The following SHCBP1 variants were observed in gnomAD, a reference collection of about 807,000 sequenced individuals.
SHCBP1 encodes the protein SHC binding and spindle associated 1.
A neutral mutation model predicts 75.1 loss-of-function variants in SHCBP1; 60 were observed. That is an observed-to-expected ratio of 0.80 (90% CI 0.65 to 0.99). The LOEUF (loss-of-function observed/expected upper bound fraction) is 0.99, where lower values mean the gene tolerates loss of function less well. Among genes scored for constraint, SHCBP1 ranks in the 50% least tolerant of loss-of-function variants. The pLI, the probability that SHCBP1 is intolerant of heterozygous loss-of-function variation, is 0.00. For missense variants in SHCBP1, 709 were observed against 809.4 expected, an observed-to-expected ratio of 0.88 and a Z score of 1.50; for synonymous variants, 290 against 293.2, an observed-to-expected ratio of 0.99 and a Z score of 0.11.
Position 46,608,399 on chromosome 16 carries a change from A to T in SHCBP1, c.597-10T>A. ...GTTTTGGTAGAAAAATCTGAAATGG[A>T]ACTTAGTATCATTCAAATTCTATCA... On this transcript the variant is annotated splice_polypyrimidine_tract_variant and intron_variant, in intron 4 of 12. Transcript: ENST00000303383. The T allele has an allele frequency of 6.3e-7, 1 of 1,582,474 alleles. No individual in the cohort carries two copies.
intron 2 of SHCBP1, among the ~76,000 whole-genome samples, 178 bp from the exon 3 acceptor site, chr16:46,617,927 C>A (rs1965527395): frequency 6.6e-6 from 1 of 152,200 alleles, no homozygotes; most frequent in Non-Finnish European, 1.5e-5. Context: ...CCTATAATCC[C>A]AGCACTTTGG....
intron 2 of SHCBP1, 110 bp from the exon 3 acceptor site, chr16:46,617,859 T>A: frequency 1.2e-6 from 1 of 843,006 alleles, no homozygotes; most frequent in African/African-American, 1.7e-5. Context: ...AAATAGATAA[T>A]CTACTTGCAA....
chr16:46,594,872 C>T (rs574104638), intron 10 of SHCBP1, among the ~76,000 whole-genome samples: 1 of 152,094 alleles, frequency 6.6e-6, no homozygotes, highest in Non-Finnish European at 1.5e-5. Context: ...CAAAACAAAC[C>T]GTGGAACAAC....
intron 8 of SHCBP1, among the ~76,000 whole-genome samples, chr16:46,602,370 T>C (rs546551431): frequency 1.3e-5 from 2 of 152,286 alleles, no homozygotes; most frequent in East Asian, 3.9e-4. Flanking sequence ...AAAACTAAAC[T>C]TCCAGCTTCA....
intron 5 of SHCBP1, among the ~76,000 whole-genome samples, chr16:46,607,032 C>T (rs957071418): frequency 6.6e-6 from 1 of 151,886 alleles, no homozygotes; most frequent in East Asian, 1.9e-4. Flanking sequence ...ACTATGTTGC[C>T]CAGGCTGGTC....
rs1319644995 is a variant in SHCBP1 at position 46,579,232 on chromosome 16, C to G, written c.*2497G>C. On this transcript the variant is annotated 3_prime_UTR_variant, in exon 13 of 13. Transcript: ENST00000303383. ...ACAGAAGGCTATCCTTTCTCCACAT[C>G]AGTGTTTTCATCTCAAATATCAAAC... Among the ~76,000 whole-genome samples, 1 of 152,170 alleles carries G rather than the reference C, an allele frequency of 6.6e-6. No homozygotes were observed. The highest frequency in any genetic ancestry group is 1.9e-4 in the East Asian group (1 of 5,184).
chr16:46,607,072 G>A (rs540487024), intron 5 of SHCBP1, among the ~76,000 whole-genome samples: 11 of 152,016 alleles, frequency 7.2e-5, no homozygotes, highest in Admixed American at 3.3e-4. Flanking sequence ...AGGTCTTCCC[G>A]GGCTGGGCAC....
At chr16:46,582,842 T>A (rs1964893816) in intron 12 of SHCBP1, among the ~76,000 whole-genome samples, 1 of 152,154 alleles carries the variant, frequency 6.6e-6, no homozygotes, top group Non-Finnish European at 1.5e-5. Flanking sequence ...GGACTACCCT[T>A]TAAACTCTTT....
intron 4 of SHCBP1, among the ~76,000 whole-genome samples, chr16:46,612,465 TTTGTTGTTGTTG>T (rs559149689): frequency 1.3e-5 from 2 of 151,798 alleles, no homozygotes; most frequent in Non-Finnish European, 2.9e-5. Context: ...AGTGGAGTCT[TTTGTTGTTGTTG>T]TTGTTGTTGT....
chr16:46,607,637 A>G (rs1368633851), intron 5 of SHCBP1, among the ~76,000 whole-genome samples: 6 of 152,156 alleles, frequency 3.9e-5, no homozygotes, highest in African/African-American at 4.8e-5. Flanking sequence ...TTGGAGTGCA[A>G]TTTATAATTT....
rs1965211957 is a variant in SHCBP1 at position 46,600,245 on chromosome 16, A to G, written c.1214-283T>C. On this transcript the variant is annotated intron_variant, in intron 8 of 12. Transcript: ENST00000303383. ...TACTAAATTCACTTTCAAAAGTGCT[A>G]TAAAAAATAAATAATGTTCAAGACC... Among the ~76,000 whole-genome samples, 3 of 152,184 alleles carry G rather than the reference A, an allele frequency of 2.0e-5. No homozygotes were observed. The South Asian group carries it at 6.2e-4, about 32-fold the overall frequency.
At chr16:46,618,602 TTTG>T (rs904202650) in intron 1 of SHCBP1, among the ~76,000 whole-genome samples, 1 of 152,166 alleles carries the variant, frequency 6.6e-6, no homozygotes, top group African/African-American at 2.4e-5. Flanking sequence ...CAGTTAGATT[TTTG>T]TTGTTGTTCT....
intron 10 of SHCBP1, among the ~76,000 whole-genome samples, chr16:46,594,948 G>A (rs1035569171): frequency 1.3e-5 from 2 of 152,216 alleles, no homozygotes; most frequent in Admixed American, 6.5e-5. Flanking sequence ...CGACCTAGGT[G>A]AAGCTCCACA....
intron 1 of SHCBP1, among the ~76,000 whole-genome samples, chr16:46,619,451 A>C (rs1028491478): frequency 6.6e-6 from 1 of 152,062 alleles, no homozygotes; most frequent in African/African-American, 2.4e-5. Context: ...AAGTGTACTC[A>C]AGGGTCTACT....
Position 46,599,776 on chromosome 16 carries a change from A to C in SHCBP1, c.1345+55T>G, listed in dbSNP as rs988295744. 6 of 1,490,664 alleles carry C rather than the reference A, an allele frequency of 4.0e-6. No homozygotes were observed. The African/African-American group carries it at 8.6e-5, about 21-fold the overall frequency. 92.3% of individuals were successfully genotyped at this position (1,490,664 alleles called of 1,614,324 possible). A position where few individuals can be genotyped will look rare whatever the true frequency, so the allele number is the denominator to read the frequency against. Reference sequence around the variant, plus strand: ...TTAAATTCTATCTTCCATAGAGAGAACCGTTTACCTTCAAATCTTAGAACA... The same window carrying C: ...TTAAATTCTATCTTCCATAGAGAGACCCGTTTACCTTCAAATCTTAGAACA... On this transcript the variant is annotated intron_variant, in intron 9 of 12. Coordinates refer to ENST00000303383, the MANE Select transcript of SHCBP1 (RefSeq NM_024745.5).
chr16:46,614,333 C>A (rs1399558128), intron 4 of SHCBP1, among the ~76,000 whole-genome samples: 1 of 152,178 alleles, frequency 6.6e-6, no homozygotes, highest in Admixed American at 6.5e-5. Context: ...TTTTATACTA[C>A]AAAACACCAA....
intron 10 of SHCBP1, among the ~76,000 whole-genome samples, chr16:46,589,301 A>T (rs1231181819): frequency 6.6e-6 from 1 of 152,188 alleles, no homozygotes; most frequent in Non-Finnish European, 1.5e-5. Context: ...CCTATTCAAC[A>T]TAGTGTTGGA....
intron 3 of SHCBP1, 60 bp downstream of exon 3, chr16:46,617,574 C>A: frequency 3.9e-6 from 5 of 1,285,790 alleles, no homozygotes; most frequent in Non-Finnish European, 5.6e-6. Context: ...TTGGATATAA[C>A]AGTCTGAAGT....
chr16:46,616,062 C>T lies in SHCBP1; in HGVS notation c.480G>A (p.Glu160=), dbSNP rs752592492. 1 of 1,614,246 alleles carries T rather than the reference C, an allele frequency of 6.2e-7. No individual in the cohort carries two copies. The highest frequency in any genetic ancestry group is 8.5e-7 in the Non-Finnish European group (1 of 1,180,048). Residue 160 remains glutamate (E), a synonymous_variant, in exon 4 of 13, where the codon GAG becomes GAA. Coordinates refer to ENST00000303383, the MANE Select transcript of SHCBP1 (RefSeq NM_024745.5). This position sits in a 1 kb window ranked among gnomAD's most constrained non-coding sequence, Gnocchi z 4.4. ...TCAGATCAAGGAGCTCCTTCATGCA[C>T]TCCATGGTAAAAGTGCTCACTTGAG... ...CDSQVSTFTM[E]CMKELLDLKE...
Sources: gnomAD v4.1 joint callset for allele counts (sites outside exome capture counted in the v4.1 genomes callset) on GRCh38, gnomAD v4.1.1 for gene constraint, Gnocchi (gnomAD v3.1) non-coding constraint, MANE v1.5 for transcripts, NCBI Gene and HGNC (gene_info 2026-07-23, HGNC 2026-07-21) for gene names.